NKAIN2: variants seen among roughly 807,000 people sequenced by gnomAD.
NKAIN2 encodes sodium/potassium-transporting ATPase subunit beta-1-interacting protein 2.
A neutral mutation model predicts 32.6 loss-of-function variants in NKAIN2; 14 were observed. That is an observed-to-expected ratio of 0.43 (90% CI 0.28 to 0.67). NKAIN2 has a LOEUF of 0.67. Ranked by LOEUF, NKAIN2 falls within the 30% of genes least tolerant of loss-of-function variation. The pLI is 0.17. For missense variants in NKAIN2, 198 were observed against 258.3 expected (o/e 0.77, Z 1.60); for synonymous variants, 80 against 87.2 (o/e 0.92, Z 0.46).
chr6:124,820,143 G>A (rs1781332128), intron 6 of NKAIN2, among the ~76,000 whole-genome samples: 1 of 151,982 alleles, frequency 6.6e-6, no homozygotes, highest in Non-Finnish European at 1.5e-5. Context: ...CCCCCAGAAA[G>A]ATTCTTGATA....
intron 6 of NKAIN2, among the ~76,000 whole-genome samples, chr6:124,822,437 T>G (rs1006661326): frequency 4.6e-5 from 7 of 152,194 alleles, no homozygotes; most frequent in Non-Finnish European, 1.0e-4. Context: ...AAACAAATGT[T>G]GAAAAGCAAT....
intron 4 of NKAIN2, among the ~76,000 whole-genome samples, chr6:124,787,511 A>T: frequency 6.6e-6 from 1 of 152,082 alleles, no homozygotes; most frequent in East Asian, 1.9e-4. Context: ...GGTACAGGGC[A>T]TTAGCATTCT....
intron 1 of NKAIN2, among the ~76,000 whole-genome samples, chr6:124,133,877 T>C (rs975874991): frequency 6.6e-6 from 1 of 151,488 alleles, no homozygotes; most frequent in Non-Finnish European, 1.5e-5. Flanking sequence ...AAAAATACAG[T>C]CCAATTAAAA....
At chr6:124,670,645 C>CTG (rs57300688) in intron 4 of NKAIN2, among the ~76,000 whole-genome samples, 9,396 of 123,834 alleles carry the variant, frequency 0.076, 326 homozygotes, top group African/African-American at 0.092. Context: ...TCTTTGCTTT[C>CTG]TGTGTGTGTG....
chr6:124,403,273 TTATTTC>T (rs1194281265), intron 3 of NKAIN2, among the ~76,000 whole-genome samples: 1 of 151,528 alleles, frequency 6.6e-6, no homozygotes, highest in Non-Finnish European at 1.5e-5. Context: ...CATTTTTAAA[TTATTTC>T]TATATAGAGA....
chr6:124,665,137 C>A (rs1205282818), intron 4 of NKAIN2, among the ~76,000 whole-genome samples: 1 of 151,942 alleles, frequency 6.6e-6, no homozygotes, highest in African/African-American at 2.4e-5. Context: ...ATCTGAATAG[C>A]ATTTCTACAG....
chr6:123,911,809 A>ATATATG (rs1554222371), intron 1 of NKAIN2, among the ~76,000 whole-genome samples: 24 of 101,944 alleles, frequency 2.4e-4, no homozygotes, highest in South Asian at 8.9e-4. Context: ...ATGTATATAT[A>ATATATG]TATACACACA....
intron 3 of NKAIN2, among the ~76,000 whole-genome samples, chr6:124,462,671 T>A (rs1010455139): frequency 4.6e-5 from 7 of 152,054 alleles, no homozygotes; most frequent in African/African-American, 1.4e-4. Flanking sequence ...TTATACCAAA[T>A]TTTTAAAGTA....
chr6:123,898,928 A>T (rs1169485258), intron 1 of NKAIN2, among the ~76,000 whole-genome samples: 3 of 152,222 alleles, frequency 2.0e-5, no homozygotes, highest in Non-Finnish European at 2.9e-5. Context: ...TGCCTTCATA[A>T]CCTCAGCCAC....
chr6:124,377,355 C>T (rs537211315), intron 3 of NKAIN2, among the ~76,000 whole-genome samples: 11 of 152,260 alleles, frequency 7.2e-5, no homozygotes, highest in African/African-American at 2.4e-4. Flanking sequence ...AAGCCAGACC[C>T]AGGTTTCCTA....
At chr6:124,207,719 C>G (rs1358097330) in intron 1 of NKAIN2, among the ~76,000 whole-genome samples, 1 of 151,784 alleles carries the variant, frequency 6.6e-6, no homozygotes, top group Non-Finnish European at 1.5e-5. Context: ...TTTTAAAAGA[C>G]AGTAGTGAGG....
At chr6:124,399,766 G>A (rs1773548995) in intron 3 of NKAIN2, among the ~76,000 whole-genome samples, 1 of 152,156 alleles carries the variant, frequency 6.6e-6, no homozygotes, top group Admixed American at 6.5e-5. Context: ...ACAATTAATG[G>A]TTTCCGCTTT....
intron 3 of NKAIN2, among the ~76,000 whole-genome samples, chr6:124,479,987 T>C (rs1222560031): frequency 2.0e-5 from 3 of 152,198 alleles, no homozygotes; most frequent in African/African-American, 7.2e-5. Flanking sequence ...GAATCACAGC[T>C]GTCCAATGCC....
At chr6:124,050,852 T>C (rs1038312351) in intron 1 of NKAIN2, among the ~76,000 whole-genome samples, 1 of 152,040 alleles carries the variant, frequency 6.6e-6, no homozygotes, top group African/African-American at 2.4e-5. Context: ...CAGGACTGAG[T>C]AGAATCAATC....
intron 1 of NKAIN2, among the ~76,000 whole-genome samples, chr6:123,951,858 T>C (rs1475752599): frequency 6.6e-6 from 1 of 151,916 alleles, no homozygotes; most frequent in East Asian, 1.9e-4. Context: ...TTATGGTTAT[T>C]TTATGTTTCT....
intron 4 of NKAIN2, among the ~76,000 whole-genome samples, chr6:124,772,170 T>C (rs1237583608): frequency 1.3e-5 from 2 of 152,236 alleles, no homozygotes; most frequent in Non-Finnish European, 2.9e-5. Flanking sequence ...CCTTTTATCA[T>C]ACACTCTGCC....
At chr6:123,867,541 A>C (rs1477169542) in intron 1 of NKAIN2, among the ~76,000 whole-genome samples, 1 of 152,252 alleles carries the variant, frequency 6.6e-6, no homozygotes, top group Non-Finnish European at 1.5e-5. Flanking sequence ...ATATTGTTGT[A>C]TTAAATGAAT....
At chr6:123,928,583 A>G (rs748855740) in intron 1 of NKAIN2, among the ~76,000 whole-genome samples, 9 of 152,168 alleles carry the variant, frequency 5.9e-5, no homozygotes, top group Non-Finnish European at 1.2e-4. Flanking sequence ...CAGCCTCAGA[A>G]GTTAACATGG....
intron 3 of NKAIN2, among the ~76,000 whole-genome samples, chr6:124,654,387 C>A (rs1370582408): frequency 6.6e-6 from 1 of 151,828 alleles, no homozygotes; most frequent in South Asian, 2.1e-4. Flanking sequence ...GTCATCCAGA[C>A]AATAGGTTCA....
Sources: allele counts gnomAD v4.1 joint callset (sites outside exome capture counted in the v4.1 genomes callset), GRCh38; gene constraint gnomAD v4.1.1; transcripts MANE v1.5; gene names NCBI Gene and HGNC (gene_info 2026-07-23, HGNC 2026-07-21).